Variants in NHSL1 observed in about 807,000 individuals in gnomAD.
The protein encoded by NHSL1 is NHS like 1.
Under a neutral mutation model 95.0 loss-of-function variants are expected in NHSL1, and 48 were observed. The observed-to-expected ratio is 0.51, with a 90% CI of 0.40 to 0.64. NHSL1 has a LOEUF of 0.64. NHSL1 is among the 30% of genes least tolerant of loss of function. The probability of loss-of-function intolerance (pLI) is 0.00; values close to 1 mark genes in which losing one functional copy is unlikely to be tolerated. For synonymous variants in NHSL1, 783 were observed against 833.9 expected, an observed-to-expected ratio of 0.94 and a Z score of 1.05; for missense variants, 1,971 against 2,077.7, an observed-to-expected ratio of 0.95 and a Z score of 1.00.
At chr6:138,663,502 T>C (rs1428568480) in intron 1 of NHSL1, among the ~76,000 whole-genome samples, 3 of 149,714 alleles carry the variant, frequency 2.0e-5, no homozygotes, top group Non-Finnish European at 4.4e-5. Context: ...AGACGTTGTG[T>C]TGAACCGCAA....
chr6:138,581,104 G>A (rs1784048857), intron 1 of NHSL1, among the ~76,000 whole-genome samples: 1 of 152,242 alleles, frequency 6.6e-6, no homozygotes, highest in South Asian at 2.1e-4. Context: ...CCAGAGCTAT[G>A]AGGGAATAAA....
At chr6:138,575,135 G>A (rs1230329485), upstream of NHSL1, among the ~76,000 whole-genome samples, 1 of 152,124 alleles carries the variant, frequency 6.6e-6, no homozygotes, top group Non-Finnish European at 1.5e-5. Context: ...CCAACCTCAG[G>A]TGATCTGTCT....
chr6:138,670,938 T>C (rs1404548099), intron 1 of NHSL1, among the ~76,000 whole-genome samples: 1 of 152,052 alleles, frequency 6.6e-6, no homozygotes, highest in African/African-American at 2.4e-5. Flanking sequence ...GAAGGATTGC[T>C]GAGGCCAGGA....
chr6:138,499,134 G>GACACACACACACACATGGAC (rs1780526462), intron 1 of NHSL1, 99 bp downstream of exon 1: 1 of 602,332 alleles, frequency 1.7e-6, no homozygotes, highest in Non-Finnish European at 2.9e-6. Flanking sequence ...CACACACATG[G>GACACACACACACACATGGAC]ACACACACAC....
intron 1 of NHSL1, among the ~76,000 whole-genome samples, chr6:138,564,286 T>C (rs1380071043): frequency 6.6e-6 from 1 of 152,006 alleles, no homozygotes; most frequent in African/African-American, 2.4e-5. Context: ...GTCTCCACTC[T>C]TGTTCCCCTT....
intron 3 of NHSL1, among the ~76,000 whole-genome samples, chr6:138,469,078 C>CTAAATG (rs1383682305): frequency 1.9e-4 from 29 of 152,278 alleles, no homozygotes; most frequent in African/African-American, 6.5e-4. Context: ...AAATGACCAC[C>CTAAATG]ACTGCTGGCT....
chr6:138,469,855 A>C (rs17067640), intron 3 of NHSL1, among the ~76,000 whole-genome samples: 8,483 of 152,252 alleles, frequency 0.056, 653 homozygotes, highest in East Asian at 0.3. Flanking sequence ...CGAATTGGCT[A>C]CGTTATAGTG....
chr6:138,532,045 T>C (rs1350321622), intron 1 of NHSL1, among the ~76,000 whole-genome samples: 1 of 152,206 alleles, frequency 6.6e-6, no homozygotes, highest in African/African-American at 2.4e-5. Context: ...TAACCAGCAT[T>C]GGAATATTAT....
intron 1 of NHSL1, among the ~76,000 whole-genome samples, chr6:138,641,658 G>A (rs1784961338): frequency 6.6e-6 from 1 of 151,186 alleles, no homozygotes; most frequent in Admixed American, 6.6e-5. Flanking sequence ...CATGGCAGTG[G>A]GGAACTCCTC....
chr6:138,431,864 C>A lies in NHSL1; in HGVS notation c.2481G>T (p.Val827=). The A allele has an allele frequency of 6.4e-7, 1 of 1,551,748 alleles. No individual in the cohort carries two copies. The highest frequency in any genetic ancestry group is 8.7e-7 in the Non-Finnish European group (1 of 1,146,994). ...QEGSRATMPQ[V]PGGSVKPKIM... is the part of the protein sequence containing the mutation. ...TCTTTGGTTTGACTGAACCACCGGG[C>A]ACTTGGGGCATTGTGGCTCTGGACC... Residue 827 remains valine (V), a synonymous_variant, in exon 6 of 8, where the codon GTG becomes GTT. Transcript: ENST00000343505. This position sits in a 1 kb window ranked among gnomAD's most constrained non-coding sequence, Gnocchi z 4.0.
chr6:138,635,378 A>T (rs1784874357), intron 1 of NHSL1, among the ~76,000 whole-genome samples: 1 of 152,328 alleles, frequency 6.6e-6, no homozygotes, highest in South Asian at 2.1e-4. Flanking sequence ...TACTGCAGAA[A>T]TTCAAAGGAT....
At chr6:138,683,273 T>C (rs1395857834) in intron 1 of NHSL1, among the ~76,000 whole-genome samples, 1 of 152,168 alleles carries the variant, frequency 6.6e-6, no homozygotes, top group Non-Finnish European at 1.5e-5. Flanking sequence ...TATTTTTGTG[T>C]TTATCTCTGA....
chr6:138,514,199 T>C (rs956098294), intron 1 of NHSL1, among the ~76,000 whole-genome samples: 2 of 151,996 alleles, frequency 1.3e-5, no homozygotes. Context: ...GCACCTGTAG[T>C]GCCAGGTACT....
chr6:138,580,717 T>TAGA (rs1404773861), intron 1 of NHSL1, among the ~76,000 whole-genome samples: 1 of 152,222 alleles, frequency 6.6e-6, no homozygotes, highest in African/African-American at 2.4e-5. Context: ...AATAACTTGG[T>TAGA]AGAAAATTAA....
chr6:138,673,570 T>G (rs559352767), intron 1 of NHSL1, among the ~76,000 whole-genome samples: 1 of 152,152 alleles, frequency 6.6e-6, no homozygotes, highest in Non-Finnish European at 1.5e-5. Context: ...TCTCACTGAA[T>G]TTTTTTCAAG....
upstream of NHSL1, among the ~76,000 whole-genome samples, chr6:138,572,883 A>ATAGATAGATAGATAGATAGG (rs1349838346): frequency 6.6e-6 from 1 of 152,192 alleles, no homozygotes; most frequent in African/African-American, 2.4e-5. Flanking sequence ...AGATAGATAG[A>ATAGATAGATAGATAGATAGG]TAGATACATC....
intron 1 of NHSL1, among the ~76,000 whole-genome samples, chr6:138,665,912 C>A (rs569712891): frequency 6.6e-6 from 1 of 152,310 alleles, no homozygotes; most frequent in South Asian, 2.1e-4. Flanking sequence ...TGTAGTTAAC[C>A]CCACTATTCA....
At chr6:138,449,214 G>A (rs1777070025) in intron 3 of NHSL1, among the ~76,000 whole-genome samples, 1 of 152,232 alleles carries the variant, frequency 6.6e-6, no homozygotes, top group African/African-American at 2.4e-5. Flanking sequence ...ATAGTTTGCT[G>A]TTGGCGATAG....
chr6:138,447,410 G>A (rs1776933756), intron 3 of NHSL1, among the ~76,000 whole-genome samples: 1 of 152,192 alleles, frequency 6.6e-6, no homozygotes, highest in Non-Finnish European at 1.5e-5. Flanking sequence ...TGTGAGGACT[G>A]CAAAAGGTTC....
Sources: allele counts gnomAD v4.1 joint callset (sites outside exome capture counted in the v4.1 genomes callset), GRCh38; gene constraint gnomAD v4.1.1; non-coding constraint Gnocchi (gnomAD v3.1); transcripts MANE v1.5; gene names NCBI Gene and HGNC (gene_info 2026-07-23, HGNC 2026-07-21).